Variants in PITPNC1 observed in about 807,000 individuals in gnomAD.
PITPNC1 encodes the protein phosphatidylinositol transfer protein cytoplasmic 1.
In PITPNC1, 18 loss-of-function variants were observed where a neutral mutation model predicts 44.7. The observed-to-expected ratio is 0.40, with a 90% CI of 0.28 to 0.60. PITPNC1 has a LOEUF of 0.60. Among genes scored for constraint, PITPNC1 ranks in the 20% least tolerant of loss-of-function variants. The pLI is 0.39. For missense variants in PITPNC1, 290 were observed against 418.4 expected (o/e 0.69, Z 2.68); for synonymous variants, 141 against 149.6 (o/e 0.94, Z 0.42).
Position 67,393,148 on chromosome 17 carries a change from G to A in PITPNC1, c.48+14946G>A, listed in dbSNP as rs943510273. Among the ~76,000 whole-genome samples, 6 of 150,364 alleles carry A rather than the reference G, an allele frequency of 4.0e-5. No homozygotes were observed. In the East Asian group the frequency reaches 1.2e-3, roughly 29 times the overall value. ...CCACCTCAAAAAAAAAAAAAAAGCA[G>A]AAAAATGTGTTAAAAATATACACAT... On this transcript the variant is annotated intron_variant, in intron 1 of 8. Transcript: ENST00000581322.
intron 1 of PITPNC1, chr17:67,471,660 G>A: frequency 4.6e-6 from 1 of 217,244 alleles, no homozygotes; most frequent in Non-Finnish European, 9.7e-6. Flanking sequence ...ACCCCCTAAA[G>A]TTAACTTTAG....
intron 1 of PITPNC1, among the ~76,000 whole-genome samples, chr17:67,429,524 C>T (rs2038823661): frequency 6.6e-6 from 1 of 151,806 alleles, no homozygotes; most frequent in Non-Finnish European, 1.5e-5. Flanking sequence ...CATGGTGAAA[C>T]CCCATCTCTA....
intron 1 of PITPNC1, among the ~76,000 whole-genome samples, chr17:67,516,469 T>C (rs1453111620): frequency 6.6e-6 from 1 of 152,192 alleles, no homozygotes; most frequent in Non-Finnish European, 1.5e-5. Context: ...ATTTTAGAAC[T>C]GTGCTGAACC....
intron 1 of PITPNC1, among the ~76,000 whole-genome samples, chr17:67,517,345 C>G (rs1225053080): frequency 6.6e-6 from 1 of 152,176 alleles, no homozygotes; most frequent in Non-Finnish European, 1.5e-5. Context: ...GATGTTGCAG[C>G]TGCTATGGAG....
intron 1 of PITPNC1, among the ~76,000 whole-genome samples, chr17:67,518,504 T>C (rs1006381796): frequency 1.5e-5 from 2 of 137,176 alleles, no homozygotes; most frequent in African/African-American, 4.9e-5. Flanking sequence ...GTTTCAGTAC[T>C]TATTTGGAAG....
At chr17:67,564,081 TGATA>T (rs1485315386) in intron 4 of PITPNC1, among the ~76,000 whole-genome samples, 1 of 151,666 alleles carries the variant, frequency 6.6e-6, no homozygotes, top group Non-Finnish European at 1.5e-5. Flanking sequence ...ATGGATGGAT[TGATA>T]GATATTAACA....
intron 6 of PITPNC1, among the ~76,000 whole-genome samples, chr17:67,663,142 C>T (rs1185773011): frequency 2.6e-5 from 4 of 152,130 alleles, no homozygotes; most frequent in Non-Finnish European, 5.9e-5. Context: ...TCTTATGGCA[C>T]AGTAATATTT....
intron 5 of PITPNC1, among the ~76,000 whole-genome samples, chr17:67,582,437 A>G (rs1345166002): frequency 6.6e-6 from 1 of 152,240 alleles, no homozygotes; most frequent in African/African-American, 2.4e-5. Flanking sequence ...CCAAAAATTT[A>G]ATGAAATTGA....
intron 8 of PITPNC1, among the ~76,000 whole-genome samples, chr17:67,686,041 G>T (rs1422003859): frequency 6.6e-6 from 1 of 151,726 alleles, no homozygotes; most frequent in African/African-American, 2.4e-5. Flanking sequence ...ATGTTGTCCA[G>T]GCTGGTCTTG....
intron 1 of PITPNC1, among the ~76,000 whole-genome samples, chr17:67,488,467 A>G (rs528646481): frequency 5.6e-4 from 85 of 152,348 alleles, no homozygotes; most frequent in African/African-American, 1.9e-3. Flanking sequence ...TGTGTTTTAC[A>G]GATGACACAT....
At chr17:67,536,325 T>C (rs2040527215) in intron 2 of PITPNC1, among the ~76,000 whole-genome samples, 1 of 152,146 alleles carries the variant, frequency 6.6e-6, no homozygotes, top group Non-Finnish European at 1.5e-5. Context: ...AGTGCAGTGG[T>C]GCAATCTCGT....
At chr17:67,686,782 C>T (rs2042824184) in intron 8 of PITPNC1, among the ~76,000 whole-genome samples, 1 of 152,170 alleles carries the variant, frequency 6.6e-6, no homozygotes, top group Non-Finnish European at 1.5e-5. Flanking sequence ...TGGTACTGCC[C>T]ACATGCTAAT....
At chr17:67,668,635 G>A (rs891829422) in intron 6 of PITPNC1, among the ~76,000 whole-genome samples, 4 of 151,996 alleles carry the variant, frequency 2.6e-5, no homozygotes, top group African/African-American at 7.3e-5. Context: ...AGGCCGAGGC[G>A]GGCAGATCAC....
intron 1 of PITPNC1, among the ~76,000 whole-genome samples, chr17:67,469,930 A>C (rs535196238): frequency 6.6e-6 from 1 of 152,012 alleles, no homozygotes; most frequent in Non-Finnish European, 1.5e-5. Context: ...GTATATATAT[A>C]ATTTTTTTTT....
intron 1 of PITPNC1, among the ~76,000 whole-genome samples, chr17:67,402,115 T>C (rs2038324187): frequency 6.6e-6 from 1 of 152,220 alleles, no homozygotes; most frequent in Admixed American, 6.5e-5. Context: ...TACTCAACTC[T>C]GACCTCGTAA....
At chr17:67,579,557 C>T (rs925146413) in intron 5 of PITPNC1, among the ~76,000 whole-genome samples, 2 of 151,868 alleles carry the variant, frequency 1.3e-5, no homozygotes, top group African/African-American at 4.8e-5. Flanking sequence ...TCATCAAAAC[C>T]ACCATGCCTA....
intron 4 of PITPNC1, among the ~76,000 whole-genome samples, chr17:67,570,570 C>G (rs114471528): frequency 6.6e-6 from 1 of 152,206 alleles, no homozygotes; most frequent in African/African-American, 2.4e-5. Context: ...GGACCAACAT[C>G]TCTCCAGCAT....
rs575359491 is a variant in PITPNC1, at chr17:67,689,062, C to T, written c.683-3510C>T. Among the ~76,000 whole-genome samples the T allele has an allele frequency of 3.5e-4, 53 of 152,008 alleles. 1 individual carries two copies. In the South Asian group the frequency reaches 0.011, roughly 30 times the overall value. On this transcript the variant is annotated intron_variant, in intron 8 of 8. Coordinates refer to ENST00000581322, the MANE Select transcript of PITPNC1 (RefSeq NM_012417.4). ...TACTAAAAATACAAAATTAGCTGGG[C>T]GTGGTGGCGCATGCCTGTAATCCCA...
intron 6 of PITPNC1, among the ~76,000 whole-genome samples, chr17:67,634,786 C>T (rs981117983): frequency 1.4e-4 from 22 of 152,096 alleles, no homozygotes; most frequent in African/African-American, 5.3e-4. Flanking sequence ...GGCGCAGTGC[C>T]TCACGCCTGT....
Sources: gnomAD v4.1 joint callset for allele counts (sites outside exome capture counted in the v4.1 genomes callset) on GRCh38, gnomAD v4.1.1 for gene constraint, MANE v1.5 for transcripts, NCBI Gene and HGNC (gene_info 2026-07-23, HGNC 2026-07-21) for gene names.